The following ZC3H13 variants were observed in gnomAD, a reference collection of about 807,000 sequenced individuals.
ZC3H13 encodes the protein zinc finger CCCH domain-containing protein 13.
Under a neutral mutation model 204.1 loss-of-function variants are expected in ZC3H13, and 64 were observed. That is an observed-to-expected ratio of 0.31 (90% confidence interval 0.26 to 0.39). The LOEUF (loss-of-function observed/expected upper bound fraction) is 0.39, where lower values mean the gene tolerates loss of function less well. Ranked by LOEUF, ZC3H13 falls within the 10% of genes least tolerant of loss-of-function variation. The pLI, the probability that ZC3H13 is intolerant of heterozygous loss-of-function variation, is 1.00. For synonymous variants in ZC3H13, 667 were observed against 693.7 expected (o/e 0.96, Z 0.60); for missense variants, 1,833 against 2,082.7 (o/e 0.88, Z 2.33).
At chr13:45,961,374 C>T (rs189103833) in intron 17 of ZC3H13, among the ~76,000 whole-genome samples, 2 of 151,798 alleles carry the variant, frequency 1.3e-5, no homozygotes, top group African/African-American at 4.8e-5. Flanking sequence ...ACCTGCAAAC[C>T]TCCTCAGGGA....
intron 3 of ZC3H13, among the ~76,000 whole-genome samples, chr13:46,044,069 C>T (rs1448699747): frequency 3.3e-5 from 5 of 149,734 alleles, no homozygotes; most frequent in African/African-American, 1.2e-4. Flanking sequence ...CTAAAATGTA[C>T]AATGTTTACG....
chr13:45,989,341 C>A (rs1458525793), intron 8 of ZC3H13, among the ~76,000 whole-genome samples: 1 of 152,102 alleles, frequency 6.6e-6, no homozygotes, highest in East Asian at 1.9e-4. Context: ...GGCTTTGGTG[C>A]CAAAGTACAC....
chr13:45,989,181 G>A (rs377632419), intron 8 of ZC3H13, 84 bp from the exon 9 acceptor site: 32 of 1,268,712 alleles, frequency 2.5e-5, no homozygotes, highest in Admixed American at 1.2e-4. Flanking sequence ...ACAAAAAAGT[G>A]AATATGAAAG....
chr13:45,971,995 A>G (rs1243408916), intron 12 of ZC3H13, among the ~76,000 whole-genome samples: 2 of 152,108 alleles, frequency 1.3e-5, no homozygotes, highest in African/African-American at 2.4e-5. Flanking sequence ...AAAAGTAAAA[A>G]AAACAGGAGA....
intron 7 of ZC3H13, among the ~76,000 whole-genome samples, chr13:46,008,815 G>C (rs1026179975): frequency 1.3e-5 from 2 of 152,094 alleles, no homozygotes; most frequent in South Asian, 2.1e-4. Flanking sequence ...TCAATTGCAT[G>C]AACAAAGGAT....
At chr13:45,989,460 G>A (rs187696051) in intron 8 of ZC3H13, among the ~76,000 whole-genome samples, 5 of 152,222 alleles carry the variant, frequency 3.3e-5, no homozygotes, top group African/African-American at 9.6e-5. Context: ...ACAAACTATG[G>A]CAAAACATAC....
chr13:45,975,231 G>A (rs1952920483), intron 12 of ZC3H13, 52 bp downstream of exon 12: 4 of 1,555,828 alleles, frequency 2.6e-6, no homozygotes, highest in Non-Finnish European at 2.6e-6. Flanking sequence ...ATGAAACTTT[G>A]AATTCTTTCC....
Position 45,989,059 on chromosome 13 carries a change from G to A in ZC3H13, c.983C>T (p.Ser328Phe), listed in dbSNP as rs778014428. 2.5e-6 allele frequency: 4 copies of A among 1,614,016 alleles called. No individual in the cohort carries two copies. The highest frequency in any genetic ancestry group is 3.4e-6 in the Non-Finnish European group (4 of 1,180,032). Residue 328 changes from serine to phenylalanine, a missense_variant, in exon 9 of 19, where the codon TCT (serine) becomes TTT (phenylalanine). Physicochemically the swap from Ser to Phe is radical, Grantham distance 155. Coordinates refer to ENST00000679008, the MANE Select transcript of ZC3H13 (RefSeq NM_001330564.2). ...SPAGQHHSPISSRHHSSSSQS... is the reference protein window; with the variant it reads ...SPAGQHHSPIFSRHHSSSSQS... ...TGAGGAAGATGAGTGATGTCTAGAA[G>A]ATATAGGAGAATGATGCTGTCCTGC...
At chr13:45,963,469 T>C in intron 17 of ZC3H13, 1 of 1,015,292 alleles carries the variant, frequency 9.8e-7, no homozygotes, top group Non-Finnish European at 1.2e-6. Context: ...TCACCTAGGT[T>C]GGAGTGTGGT....
chr13:45,962,105 A>G, intron 17 of ZC3H13: 1 of 910,164 alleles, frequency 1.1e-6, no homozygotes, highest in Non-Finnish European at 1.3e-6. Flanking sequence ...TATTTACTGA[A>G]AACCTACTAT....
chr13:45,957,875 TG>T (rs1951379629), intron 18 of ZC3H13, among the ~76,000 whole-genome samples: 1 of 152,250 alleles, frequency 6.6e-6, no homozygotes, highest in East Asian at 1.9e-4. Flanking sequence ...TCATGCAGTA[TG>T]CTGAAGAACT....
Position 45,963,944 on chromosome 13 carries a change from C to T in ZC3H13, c.4573G>A (p.Gly1525Arg). 1 of 1,614,136 alleles carries T rather than the reference C, an allele frequency of 6.2e-7. No homozygotes were observed. The highest frequency in any genetic ancestry group is 8.5e-7 in the Non-Finnish European group (1 of 1,180,016). ...ATCCCAACTCTTAGCATAACAGCTC[C>T]AGGTGTGAATTTTAAGAGTGCAGCC... ...PGAALLKFTP[G>R]AVMLRVGISK... The change falls in exon 17 of 19, where the codon GGA becomes AGA. Residue 1525 changes from glycine (G) to arginine (R), a missense_variant. Gly to Arg is a moderately radical substitution (Grantham distance 125, BLOSUM62 -2). This residue lies in a region of ZC3H13 where 211 missense variants were observed against 228.4 expected (regional missense o/e 0.92). Coordinates refer to ENST00000679008, the MANE Select transcript of ZC3H13 (RefSeq NM_001330564.2).
At position 45,968,813 on chromosome 13, in the gene ZC3H13, G is replaced by A. The variant is rs749753549; in HGVS notation, c.3731C>T (p.Thr1244Ile). The A allele has an allele frequency of 2.0e-5, 33 of 1,613,664 alleles. No homozygotes were observed. In the East Asian group the frequency reaches 6.9e-4, roughly 34 times the overall value. ...ATCAATCCTAGATTTTCTCTCTCCT[G>A]TGATTTCCAGGCTTTTTGTTTTTTC... ...DREKTKSLEI[T>I]GERKSRIDQL... is the part of the protein sequence containing the mutation. The change falls in exon 14 of 19, where the codon ACA (threonine) becomes ATA (isoleucine). Residue 1244 changes from threonine (T) to isoleucine (I), a missense_variant. Coordinates refer to ENST00000679008, the MANE Select transcript of ZC3H13 (RefSeq NM_001330564.2).
chr13:46,003,061 T>C (rs2138512443), intron 8 of ZC3H13, 78 bp downstream of exon 8: 2 of 1,473,004 alleles, frequency 1.4e-6, no homozygotes, highest in East Asian at 2.3e-5. Context: ...AATATGCTAA[T>C]GCCCAACGGC....
At chr13:45,981,175 G>C (rs930311662) in intron 10 of ZC3H13, among the ~76,000 whole-genome samples, 1 of 152,148 alleles carries the variant, frequency 6.6e-6, no homozygotes, top group Non-Finnish European at 1.5e-5. Flanking sequence ...CAAAAACAAA[G>C]ACAGAAACTC....
chr13:45,963,211 C>T lies in ZC3H13; in HGVS notation c.4675+631G>A, dbSNP rs796371404. ...CAGTAAGTGGTGTGCCTACTGAAAT[C>T]CAGATCATCCGGCCTTACAGACCAA... On this transcript the variant is annotated intron_variant, in intron 17 of 18. Coordinates refer to ENST00000679008, the MANE Select transcript of ZC3H13 (RefSeq NM_001330564.2). The T allele has an allele frequency of 3.0e-6, 3 of 984,226 alleles. No homozygotes were observed. The African/African-American group carries it at 5.2e-5, about 17-fold the overall frequency. 61.0% of individuals were successfully genotyped at this position (984,226 alleles called of 1,614,324 possible).
intron 8 of ZC3H13, among the ~76,000 whole-genome samples, chr13:46,002,512 G>C (rs746377750): frequency 1.3e-5 from 2 of 152,164 alleles, no homozygotes; most frequent in Non-Finnish European, 2.9e-5. Flanking sequence ...GGAGGTGAAA[G>C]AACCCAAACA....
intron 3 of ZC3H13, among the ~76,000 whole-genome samples, chr13:46,044,503 G>C (rs918120399): frequency 8.5e-5 from 13 of 152,054 alleles, no homozygotes; most frequent in Non-Finnish European, 1.8e-4. Flanking sequence ...ACTGTGCTAA[G>C]GGATTTGGCA....
intron 15 of ZC3H13, 45 bp from the exon 16 acceptor site, chr13:45,965,477 A>G (rs1321787290): frequency 3.8e-6 from 6 of 1,598,284 alleles, no homozygotes. Flanking sequence ...CATTAAAGGG[A>G]GAGGATGACT....
Sources: gnomAD v4.1 joint callset for allele counts (sites outside exome capture counted in the v4.1 genomes callset) on GRCh38, gnomAD v4.1.1 for gene constraint, gnomAD v4.1.1 regional missense constraint, MANE v1.5 for transcripts, NCBI Gene and HGNC (gene_info 2026-07-23, HGNC 2026-07-21) for gene names.